The following PDE4D variants were observed in gnomAD, a reference collection of about 807,000 sequenced individuals.
The protein encoded by PDE4D is phosphodiesterase 4D, also known as 3',5'-cyclic-AMP phosphodiesterase 4D.
A neutral mutation model predicts 87.4 loss-of-function variants in PDE4D; 24 were observed. The ratio of observed to expected loss-of-function variants is 0.27; its 90% CI spans 0.20 to 0.39. PDE4D has a LOEUF of 0.39. Ranked by LOEUF, PDE4D falls within the 10% of genes least tolerant of loss-of-function variation. The probability of loss-of-function intolerance (pLI) is 1.00; values close to 1 mark genes in which losing one functional copy is unlikely to be tolerated. For missense variants in PDE4D, 714 were observed against 1,041.0 expected (o/e 0.69, Z 4.32); for synonymous variants, 384 against 383.2 (o/e 1.00, Z -0.02).
At chr5:60,466,526 G>A (rs1165364355) in intron 1 of PDE4D, among the ~76,000 whole-genome samples, 3 of 152,116 alleles carry the variant, frequency 2.0e-5, no homozygotes, top group African/African-American at 7.2e-5. Flanking sequence ...AAAAATAAAT[G>A]TCTGGCTTAA....
chr5:59,465,803 A>G (rs1411292840), intron 1 of PDE4D, among the ~76,000 whole-genome samples: 1 of 152,204 alleles, frequency 6.6e-6, no homozygotes, highest in Non-Finnish European at 1.5e-5. Context: ...TTTTGACATG[A>G]CTGGGCTAAC....
At chr5:60,356,572 A>G (rs560678551) in intron 1 of PDE4D, among the ~76,000 whole-genome samples, 18 of 152,298 alleles carry the variant, frequency 1.2e-4, no homozygotes, top group African/African-American at 4.1e-4. Context: ...TCTGAATTGA[A>G]GCCATTTGAC....
intron 1 of PDE4D, among the ~76,000 whole-genome samples, chr5:60,349,458 C>G (rs1033809105): frequency 1.3e-5 from 2 of 152,122 alleles, no homozygotes; most frequent in African/African-American, 4.8e-5. Context: ...TTCCTATTTG[C>G]ACCATTCATC....
chr5:60,308,128 A>G (rs532436152), intron 1 of PDE4D, among the ~76,000 whole-genome samples: 89 of 152,336 alleles, frequency 5.8e-4, no homozygotes, highest in African/African-American at 2.1e-3. Flanking sequence ...AGATGTTTCT[A>G]TTCTATTTAT....
intron 1 of PDE4D, among the ~76,000 whole-genome samples, chr5:59,296,416 T>TAA (rs34598563): frequency 1.5e-4 from 22 of 150,544 alleles, no homozygotes; most frequent in Admixed American, 4.0e-4. Context: ...GCCAATTTAT[T>TAA]AAAAAAAAAA....
intron 1 of PDE4D, among the ~76,000 whole-genome samples, chr5:59,543,687 T>C (rs1816758391): frequency 6.6e-6 from 1 of 152,052 alleles, no homozygotes; most frequent in Admixed American, 6.6e-5. Context: ...TCCTGGCTGC[T>C]TGGCTATGTT....
intron 1 of PDE4D, among the ~76,000 whole-genome samples, chr5:59,609,143 T>C (rs1015073120): frequency 1.3e-5 from 2 of 152,036 alleles, no homozygotes; most frequent in Admixed American, 1.3e-4. Context: ...TGTAGAGAGA[T>C]ATGTCATAAA....
chr5:59,794,965 C>T (rs1766293521), intron 1 of PDE4D, among the ~76,000 whole-genome samples: 1 of 152,144 alleles, frequency 6.6e-6, no homozygotes, highest in Non-Finnish European at 1.5e-5. Flanking sequence ...CAGCCTTTGC[C>T]TATCCCAGTA....
intron 3 of PDE4D, among the ~76,000 whole-genome samples, chr5:59,189,258 T>TG (rs1743742400): frequency 6.9e-6 from 1 of 145,058 alleles, no homozygotes. Context: ...TTTTTGTTTT[T>TG]TTTTTTTTGA....
At chr5:60,383,579 T>C (rs1257483489) in intron 1 of PDE4D, among the ~76,000 whole-genome samples, 1 of 152,194 alleles carries the variant, frequency 6.6e-6, no homozygotes, top group East Asian at 1.9e-4. Flanking sequence ...CCCTCTTTTA[T>C]AGGTGAAGAA....
intron 1 of PDE4D, among the ~76,000 whole-genome samples, chr5:59,817,171 G>T (rs1434548817): frequency 6.6e-6 from 1 of 152,232 alleles, no homozygotes; most frequent in Non-Finnish European, 1.5e-5. Flanking sequence ...AAACGTGAAT[G>T]TGCTCAGTAG....
chr5:59,441,907 C>G (rs971241623), intron 1 of PDE4D, among the ~76,000 whole-genome samples: 10 of 152,158 alleles, frequency 6.6e-5, no homozygotes, highest in Non-Finnish European at 1.2e-4. Context: ...AATATTTAGT[C>G]TTTACTCAGT....
intron 1 of PDE4D, among the ~76,000 whole-genome samples, chr5:59,789,509 G>T (rs77297892): frequency 0.025 from 3,789 of 152,246 alleles, 134 homozygotes; most frequent in African/African-American, 0.076. Context: ...TTGTGTCTGG[G>T]GAAAAACAGT....
At chr5:59,427,290 T>TAC (rs1491137831) in intron 1 of PDE4D, among the ~76,000 whole-genome samples, 2 of 87,118 alleles carry the variant, frequency 2.3e-5, no homozygotes, top group Non-Finnish European at 4.5e-5. Context: ...GAAGTGATTT[T>TAC]ATACACACAC....
At chr5:59,230,572 G>A (rs769101412) in intron 1 of PDE4D, among the ~76,000 whole-genome samples, 1 of 152,230 alleles carries the variant, frequency 6.6e-6, no homozygotes. Flanking sequence ...TGTTAAATAA[G>A]TCTAGGTAAG....
At chr5:59,002,271 T>C (rs1750699471) in intron 6 of PDE4D, among the ~76,000 whole-genome samples, 1 of 152,162 alleles carries the variant, frequency 6.6e-6, no homozygotes, top group Non-Finnish European at 1.5e-5. Flanking sequence ...ATAATCTTTT[T>C]AGTGTGTCAG....
intron 1 of PDE4D, among the ~76,000 whole-genome samples, chr5:60,419,344 T>C (rs899231311): frequency 3.9e-5 from 6 of 152,032 alleles, no homozygotes; most frequent in African/African-American, 1.5e-4. Flanking sequence ...CTCCAAGATA[T>C]GTCATTAAGT....
chr5:60,156,647 T>C (rs1440652954), intron 2 of PDE4D, among the ~76,000 whole-genome samples: 1 of 152,112 alleles, frequency 6.6e-6, no homozygotes, highest in Non-Finnish European at 1.5e-5. Context: ...ACTTGAAAAA[T>C]AAAAGTATAG....
intron 1 of PDE4D, among the ~76,000 whole-genome samples, chr5:59,230,223 T>C (rs1298505111): frequency 1.3e-5 from 2 of 152,168 alleles, no homozygotes; most frequent in African/African-American, 2.4e-5. Flanking sequence ...AGCTTACTCA[T>C]AATTCTCAAA....
Sources: gnomAD v4.1 joint callset for allele counts (sites outside exome capture counted in the v4.1 genomes callset) on GRCh38, gnomAD v4.1.1 for gene constraint, MANE v1.5 for transcripts, NCBI Gene and HGNC (gene_info 2026-07-23, HGNC 2026-07-21) for gene names.